Variants in CIMAP2 observed in about 807,000 individuals in gnomAD.
CIMAP2 encodes ciliary microtubule associated protein 2, also known as ciliary microtubule-associated protein 2.
chr1:54,839,903 C>T, the CIMAP2 span, among the ~76,000 whole-genome samples: 2 of 152,128 alleles, frequency 1.3e-5, no homozygotes, highest in East Asian at 3.9e-4. Context: ...GTGTGCACTA[C>T]TACACCCAGC....
chr1:54,808,245 TATA>T, the CIMAP2 span, among the ~76,000 whole-genome samples: 1 of 152,004 alleles, frequency 6.6e-6, no homozygotes, highest in African/African-American at 2.4e-5. Flanking sequence ...AAGAAGGAAA[TATA>T]ATACGTATAT....
At chr1:54,837,607 C>T in the CIMAP2 span, among the ~76,000 whole-genome samples, 15 of 152,164 alleles carry the variant, frequency 9.9e-5, no homozygotes, top group African/African-American at 3.6e-4. Context: ...AGTGGTGGGA[C>T]AGTTGGCATT....
At chr1:54,811,723 T>C in the CIMAP2 span, 158 of 1,430,016 alleles carry the variant, frequency 1.1e-4, 1 homozygote, top group Non-Finnish European at 1.2e-4. Flanking sequence ...ATCTCAGGTG[T>C]CTGTTCCTCA....
chr1:54,824,616 C>A, the CIMAP2 span, among the ~76,000 whole-genome samples: 2 of 151,810 alleles, frequency 1.3e-5, no homozygotes. Flanking sequence ...TTTCAAGATG[C>A]CTGTCTTCAA....
the CIMAP2 span, among the ~76,000 whole-genome samples, chr1:54,829,536 A>G: frequency 6.6e-6 from 1 of 152,132 alleles, no homozygotes; most frequent in Admixed American, 6.5e-5. Context: ...GGATTTCTTT[A>G]TGCACTCTTT....
the CIMAP2 span, chr1:54,841,538 T>C: frequency 1.9e-6 from 3 of 1,608,090 alleles, no homozygotes; most frequent in Admixed American, 3.4e-5. Context: ...TATGATTTTA[T>C]ACCTGAAGTT....
chr1:54,807,403 G>A, the CIMAP2 span: 1 of 1,246,470 alleles, frequency 8.0e-7, no homozygotes, highest in Non-Finnish European at 1.1e-6. Flanking sequence ...TGCTGAGGGT[G>A]GGAGCCACAG....
the CIMAP2 span, chr1:54,811,765 G>GCCGGGGGGGGCGCCCCCCCCCCC: frequency 7.7e-7 from 1 of 1,301,328 alleles, no homozygotes; most frequent in Non-Finnish European, 1.1e-6. Flanking sequence ...GGTTCTGACA[G>GCCGGGGGGGGCGCCCCCCCCCCC]CCTCCATGCC....
the CIMAP2 span, chr1:54,811,693 T>C: frequency 1.5e-6 from 2 of 1,377,448 alleles, no homozygotes; most frequent in Non-Finnish European, 2.0e-6. Flanking sequence ...GAAAATCCCA[T>C]TCCCTTCTTG....
the CIMAP2 span, among the ~76,000 whole-genome samples, chr1:54,828,071 C>T: frequency 6.6e-6 from 1 of 152,058 alleles, no homozygotes; most frequent in Non-Finnish European, 1.5e-5. Flanking sequence ...CATTATTTAA[C>T]ATTGTTTTGG....
chr1:54,813,908 C>G, the CIMAP2 span: 4 of 1,613,680 alleles, frequency 2.5e-6, no homozygotes, highest in East Asian at 8.9e-5. Flanking sequence ...TCTAAACTTC[C>G]CCGAAACCCG....
the CIMAP2 span, chr1:54,811,774 C>CCCCCCCCCCCCCCCCCCCCCCCCACCAT: frequency 2.1e-6 from 1 of 476,592 alleles, no homozygotes; most frequent in Admixed American, 2.7e-5. Flanking sequence ...AGCCTCCATG[C>CCCCCCCCCCCCCCCCCCCCCCCCACCAT]CCCCACCCCC....
the CIMAP2 span, chr1:54,806,340 G>C: frequency 2.8e-6 from 3 of 1,057,702 alleles, no homozygotes; most frequent in East Asian, 9.5e-5. Flanking sequence ...TGAGCCTGGC[G>C]GGGAGGGGAA....
chr1:54,838,280 C>T, the CIMAP2 span, among the ~76,000 whole-genome samples: 14,558 of 151,852 alleles, frequency 0.096, 902 homozygotes, highest in Non-Finnish European at 0.13. Context: ...GTGAGGAATT[C>T]GAGACCATCC....
At chr1:54,817,482 C>T in the CIMAP2 span, among the ~76,000 whole-genome samples, 2 of 152,204 alleles carry the variant, frequency 1.3e-5, no homozygotes, top group African/African-American at 4.8e-5. Flanking sequence ...AGTCTCGGCT[C>T]TCAGTGGCTT....
At chr1:54,838,049 CCT>C in the CIMAP2 span, among the ~76,000 whole-genome samples, 1 of 151,858 alleles carries the variant, frequency 6.6e-6, no homozygotes, top group Non-Finnish European at 1.5e-5. Flanking sequence ...GAATTTGGAG[CCT>C]TCCAAGCAGG....
the CIMAP2 span, among the ~76,000 whole-genome samples, chr1:54,833,921 TC>T: frequency 6.6e-6 from 1 of 152,118 alleles, no homozygotes; most frequent in African/African-American, 2.4e-5. Context: ...CATTGCAACC[TC>T]CACCTCCCAG....
chr1:54,815,099 C>T, the CIMAP2 span: 1 of 1,596,650 alleles, frequency 6.3e-7, no homozygotes, highest in African/African-American at 1.3e-5. Context: ...CAGCCAACAC[C>T]AAAGCCTCTT....
At chr1:54,806,957 C>T in the CIMAP2 span, 10 of 1,573,444 alleles carry the variant, frequency 6.4e-6, no homozygotes, top group Admixed American at 1.7e-4. Flanking sequence ...GGCCAGGTGC[C>T]AGGCACAGGG....
Sources: gnomAD v4.1 joint callset for allele counts (sites outside exome capture counted in the v4.1 genomes callset) on GRCh38, gnomAD v4.1.1 for gene constraint, MANE v1.5 for transcripts, NCBI Gene and HGNC (gene_info 2026-07-23, HGNC 2026-07-21) for gene names.